The following MSTO1 variants were observed in gnomAD, a reference collection of about 807,000 sequenced individuals.
MSTO1 encodes misato mitochondrial distribution and morphology regulator 1, also known as protein misato homolog 1.
In MSTO1, 24 loss-of-function variants were observed where a neutral mutation model predicts 55.7. The observed-to-expected ratio is 0.43, with a 90% CI of 0.31 to 0.61. The LOEUF (loss-of-function observed/expected upper bound fraction) is 0.61, where lower values mean the gene tolerates loss of function less well. Ranked by LOEUF, MSTO1 falls within the 20% of genes least tolerant of loss-of-function variation. MSTO1 has a pLI of 0.09. For missense variants in MSTO1, 363 were observed against 625.7 expected (o/e 0.58, Z 4.48); for synonymous variants, 162 against 252.8 (o/e 0.64, Z 3.41).
chr1:155,591,885 T>C, the MSTO1 span, among the ~76,000 whole-genome samples: 1 of 151,852 alleles, frequency 6.6e-6, no homozygotes, highest in Non-Finnish European at 1.5e-5. Context: ...AGGAGGATCA[T>C]GCGGGCCCAG....
chr1:155,571,811 G>T, the MSTO1 span, among the ~76,000 whole-genome samples: 1 of 152,120 alleles, frequency 6.6e-6, no homozygotes, highest in Non-Finnish European at 1.5e-5. Flanking sequence ...ACTTTGGGAG[G>T]CCGAGGAGGG....
chr1:155,564,197 C>G, the MSTO1 span, among the ~76,000 whole-genome samples: 1 of 152,160 alleles, frequency 6.6e-6, no homozygotes, highest in Non-Finnish European at 1.5e-5. Context: ...AATGACTGTT[C>G]AAAAGCCCAT....
chr1:155,588,492 C>T, the MSTO1 span, among the ~76,000 whole-genome samples: 1 of 152,006 alleles, frequency 6.6e-6, no homozygotes, highest in Non-Finnish European at 1.5e-5. Flanking sequence ...AGATAATATC[C>T]TTGTTTCACA....
At chr1:155,590,909 G>T in the MSTO1 span, 2 of 1,613,120 alleles carry the variant, frequency 1.2e-6, no homozygotes, top group Non-Finnish European at 1.7e-6. Flanking sequence ...CCAGAGGTGA[G>T]CACCAGGCGG....
At chr1:155,605,139 T>C in the MSTO1 span, among the ~76,000 whole-genome samples, 2 of 152,018 alleles carry the variant, frequency 1.3e-5, no homozygotes, top group Non-Finnish European at 2.9e-5. Flanking sequence ...TGGGCACCTG[T>C]AATCCCAGCT....
the MSTO1 span, among the ~76,000 whole-genome samples, chr1:155,587,056 T>C: frequency 6.6e-6 from 1 of 152,202 alleles, no homozygotes; most frequent in Non-Finnish European, 1.5e-5. Flanking sequence ...CCTTGAATAC[T>C]GTCTTTAAGT....
the MSTO1 span, among the ~76,000 whole-genome samples, chr1:155,576,908 G>C: frequency 5.5e-5 from 8 of 145,804 alleles, no homozygotes; most frequent in African/African-American, 2.0e-4. Context: ...CCAGCTACTC[G>C]GGAGACTGAG....
the MSTO1 span, among the ~76,000 whole-genome samples, chr1:155,588,561 G>T: frequency 3.9e-5 from 6 of 152,152 alleles, no homozygotes; most frequent in African/African-American, 7.2e-5. Context: ...TAGCCTGTGA[G>T]GTTGCAAAGC....
At chr1:155,583,550 T>C in the MSTO1 span, among the ~76,000 whole-genome samples, 8 of 151,818 alleles carry the variant, frequency 5.3e-5, no homozygotes, top group African/African-American at 1.9e-4. Flanking sequence ...AATAATAAAG[T>C]AGTGAGGAAA....
the MSTO1 span, among the ~76,000 whole-genome samples, chr1:155,583,222 C>A: frequency 2.2e-5 from 3 of 133,922 alleles, no homozygotes; most frequent in African/African-American, 8.2e-5. Flanking sequence ...GAAGGTATAT[C>A]TTTTTTTTTT....
At chr1:155,609,978 G>A (rs984212462), upstream of MSTO1, 2 of 483,694 alleles carry the variant, frequency 4.1e-6, no homozygotes, top group African/African-American at 4.1e-5. Context: ...CAGCGGCGGA[G>A]ACGGCGCCCA....
At chr1:155,565,344 G>C in the MSTO1 span, among the ~76,000 whole-genome samples, 5 of 150,516 alleles carry the variant, frequency 3.3e-5, no homozygotes, top group Admixed American at 3.3e-4. Flanking sequence ...ATGAATGTTA[G>C]ATACTTAAAA....
At chr1:155,584,106 C>T in the MSTO1 span, among the ~76,000 whole-genome samples, 29 of 152,144 alleles carry the variant, frequency 1.9e-4, no homozygotes, top group Admixed American at 9.2e-4. Flanking sequence ...AGGTGGCTCA[C>T]GCTTGTAATC....
chr1:155,610,591 C>G, intron 2 of MSTO1, 31 bp downstream of exon 2: 1 of 1,007,964 alleles, frequency 9.9e-7, no homozygotes, highest in Non-Finnish European at 1.4e-6. Flanking sequence ...GCCGATGCCC[C>G]TTATTTCCCT....
the MSTO1 span, among the ~76,000 whole-genome samples, chr1:155,585,632 T>A: frequency 6.6e-6 from 1 of 152,212 alleles, no homozygotes; most frequent in East Asian, 1.9e-4. Context: ...GAGAGTTACA[T>A]TTAAGTATTT....
At chr1:155,578,661 C>T in the MSTO1 span, among the ~76,000 whole-genome samples, 1 of 150,998 alleles carries the variant, frequency 6.6e-6, no homozygotes, top group Non-Finnish European at 1.5e-5. Flanking sequence ...CAGGCGCCCG[C>T]CACCGCGCCC....
chr1:155,613,480 ACCT>A lies in MSTO1; in HGVS notation c.1305_1307del (p.Pro437del). ...CTGGCAGCCAGCTCACCCCAGGGAC[ACCT>A]CCACCCTCTGCCCTTCATGCATGTA... On this transcript the variant is annotated inframe_deletion, in exon 12 of 14. Coordinates refer to ENST00000245564, the MANE Select transcript of MSTO1 (RefSeq NM_018116.4). The A allele has an allele frequency of 1.2e-6, 2 of 1,613,904 alleles. No homozygotes were observed. Among genetic ancestry groups the A allele is most frequent in the Non-Finnish European group, 1.7e-6 (2 of 1,179,938 alleles).
upstream of MSTO1, among the ~76,000 whole-genome samples, chr1:155,606,481 G>A (rs1407414841): frequency 2.0e-5 from 3 of 149,534 alleles, no homozygotes; most frequent in South Asian, 2.1e-4. Context: ...TGCAACCTCC[G>A]CCTCCCAGGT....
chr1:155,613,222 A>G lies in MSTO1; in HGVS notation c.1272A>G (p.Ala424=). The change falls in exon 11 of 14, where the codon GCA becomes GCG. Residue 424 remains alanine, a synonymous_variant. Coordinates refer to ENST00000245564, the MANE Select transcript of MSTO1 (RefSeq NM_018116.4). ...TGGTGCTGAGGGGTATAGACAGAGC[A>G]TGCCACACAAGGTGAGAGCTGTTGG... ...QSVVLRGIDR[A]CHTSQLTPGT... 6.2e-7 allele frequency: 1 copy of G among 1,613,632 alleles called. No individual in the cohort carries two copies. The highest frequency in any genetic ancestry group is 2.2e-5 in the East Asian group (1 of 44,854).
Sources: allele counts gnomAD v4.1 joint callset (sites outside exome capture counted in the v4.1 genomes callset), GRCh38; gene constraint gnomAD v4.1.1; transcripts MANE v1.5; gene names NCBI Gene and HGNC (gene_info 2026-07-23, HGNC 2026-07-21).